Variants in FCHSD2 observed in about 807,000 individuals in gnomAD.
The protein encoded by FCHSD2 is FCH and double SH3 domains 2.
In FCHSD2, 38 loss-of-function variants were observed where a neutral mutation model predicts 108.1. The observed-to-expected ratio is 0.35, with a 90% CI of 0.27 to 0.46. The LOEUF is 0.46. Ranked by LOEUF, FCHSD2 falls within the 20% of genes least tolerant of loss-of-function variation. The pLI is 1.00. For synonymous variants in FCHSD2, 279 were observed against 314.7 expected (o/e 0.89, Z 1.20); for missense variants, 751 against 897.8 (o/e 0.84, Z 2.09).
At chr11:72,995,708 CA>C (rs760202806) in intron 5 of FCHSD2, among the ~76,000 whole-genome samples, 1,899 of 63,022 alleles carry the variant, frequency 0.03, 25 homozygotes, top group African/African-American at 0.079. Flanking sequence ...AATTCTGTCT[CA>C]AAAAAAAAAA....
chr11:72,885,914 T>C (rs1450451792), intron 12 of FCHSD2, among the ~76,000 whole-genome samples: 1 of 152,160 alleles, frequency 6.6e-6, no homozygotes, highest in African/African-American at 2.4e-5. Flanking sequence ...AGGAATGAAG[T>C]GGAGGTGGGG....
chr11:72,856,836 G>T (rs1419202253), intron 13 of FCHSD2, among the ~76,000 whole-genome samples: 1 of 152,142 alleles, frequency 6.6e-6, no homozygotes, highest in Non-Finnish European at 1.5e-5. Flanking sequence ...AAAGAATCAT[G>T]CTAGAAATTG....
At position 73,140,103 on chromosome 11, in the gene FCHSD2, T is replaced by C. The variant is rs1565110053; in HGVS notation, c.47A>G (p.Asn16Ser). 6.5e-7 allele frequency: 1 copy of C among 1,544,410 alleles called. No individual in the cohort carries two copies. The highest frequency in any genetic ancestry group is 8.7e-7 in the Non-Finnish European group (1 of 1,143,174). Residue 16 changes from asparagine to serine, a missense_variant, in exon 2 of 20, where the codon AAC becomes AGC. Coordinates refer to ENST00000409418, the MANE Select transcript of FCHSD2 (RefSeq NM_014824.3). ...RKVKVTQELK[N>S]IQVEQMTKLQ... ...TTTTGTCATCTGCTCAACTTGAATG[T>C]TTTTCAGTTCTTGTGTAACTTTCAC...
At chr11:73,110,680 T>C (rs1202479780) in intron 2 of FCHSD2, among the ~76,000 whole-genome samples, 2 of 152,136 alleles carry the variant, frequency 1.3e-5, no homozygotes, top group South Asian at 2.1e-4. Context: ...TCTGCTCCGA[T>C]CTTTATTATT....
intron 10 of FCHSD2, among the ~76,000 whole-genome samples, chr11:72,897,344 T>C (rs1272375848): frequency 6.6e-6 from 1 of 150,714 alleles, no homozygotes; most frequent in Non-Finnish European, 1.5e-5. Flanking sequence ...AAAAGGATAG[T>C]TGTGTCTGTA....
chr11:72,849,688 G>T, intron 14 of FCHSD2, 67 bp downstream of exon 14: 1 of 1,193,880 alleles, frequency 8.4e-7, no homozygotes, highest in South Asian at 1.3e-5. Flanking sequence ...GAGACTGGAT[G>T]GATACAGTCA....
intron 2 of FCHSD2, among the ~76,000 whole-genome samples, chr11:73,110,774 AT>A (rs1023728474): frequency 4.9e-4 from 74 of 150,880 alleles, no homozygotes; most frequent in African/African-American, 1.7e-3. Flanking sequence ...CTAGCTGAAG[AT>A]TTTTTTTTCT....
intron 3 of FCHSD2, among the ~76,000 whole-genome samples, chr11:73,032,191 A>C (rs1171044396): frequency 6.6e-6 from 1 of 152,024 alleles, no homozygotes; most frequent in Non-Finnish European, 1.5e-5. Flanking sequence ...CAAAAGTAAG[A>C]GCTTTTAGTT....
chr11:72,857,989 A>G lies in FCHSD2; in HGVS notation c.1309-8100T>C, dbSNP rs184952171. On this transcript the variant is annotated intron_variant, in intron 13 of 19. Transcript: ENST00000409418. ...CAATTTCAATGACCTCGTCTCTCTA[A>G]TGAAGACAGTTACTTCTTCACAGGG... Among the ~76,000 whole-genome samples, 738 of 152,336 alleles carry G rather than the reference A, an allele frequency of 4.8e-3. 5 individuals are homozygous for G. The highest frequency in any genetic ancestry group is 6.7e-3 in the Non-Finnish European group (459 of 68,026).
At chr11:73,075,359 T>G (rs1859525059) in intron 3 of FCHSD2, among the ~76,000 whole-genome samples, 1 of 152,152 alleles carries the variant, frequency 6.6e-6, no homozygotes, top group Non-Finnish European at 1.5e-5. Flanking sequence ...ATAAGAATGT[T>G]CACAGTGGCA....
At chr11:73,062,089 T>C (rs1039220979) in intron 3 of FCHSD2, among the ~76,000 whole-genome samples, 3 of 152,204 alleles carry the variant, frequency 2.0e-5, no homozygotes, top group Admixed American at 2.0e-4. Context: ...GGTGCCTGTC[T>C]GGGACGAAGC....
chr11:73,083,424 C>T (rs900827087), intron 3 of FCHSD2, among the ~76,000 whole-genome samples: 3 of 152,080 alleles, frequency 2.0e-5, no homozygotes, highest in Non-Finnish European at 4.4e-5. Context: ...TGGCACACAC[C>T]TGTAGTCCCA....
intron 3 of FCHSD2, among the ~76,000 whole-genome samples, chr11:73,019,366 T>G (rs1858046727): frequency 6.6e-6 from 1 of 152,230 alleles, no homozygotes; most frequent in Middle Eastern, 3.2e-3. Flanking sequence ...CTTCAAATCA[T>G]ACAGTTCGTA....
chr11:72,898,541 T>A (rs1423001698), intron 10 of FCHSD2, among the ~76,000 whole-genome samples: 2 of 152,208 alleles, frequency 1.3e-5, no homozygotes, highest in Non-Finnish European at 2.9e-5. Context: ...CCTATTACTA[T>A]CTTACCTGAG....
intron 9 of FCHSD2, among the ~76,000 whole-genome samples, chr11:72,906,043 A>G (rs1389077055): frequency 6.6e-6 from 1 of 152,198 alleles, no homozygotes; most frequent in Non-Finnish European, 1.5e-5. Context: ...GAACTAATTT[A>G]CACTCCCACC....
chr11:72,886,411 T>G (rs1313477744), intron 12 of FCHSD2, among the ~76,000 whole-genome samples: 1 of 152,184 alleles, frequency 6.6e-6, no homozygotes, highest in Non-Finnish European at 1.5e-5. Context: ...ATCTTAAGTC[T>G]TCTTCTGTGT....
intron 2 of FCHSD2, among the ~76,000 whole-genome samples, chr11:73,084,381 C>T (rs1591540718): frequency 6.6e-6 from 1 of 151,920 alleles, no homozygotes; most frequent in African/African-American, 2.4e-5. Context: ...CTAAGGTATA[C>T]CCTTTTCTTT....
Position 72,984,157 on chromosome 11 carries a change from A to G in FCHSD2, c.636T>C (p.Leu212=). 6.2e-7 allele frequency: 1 copy of G among 1,613,518 alleles called. No homozygotes were observed. Residue 212 remains leucine, a synonymous_variant, in exon 8 of 20, where the codon CTT becomes CTC. Coordinates refer to ENST00000409418, the MANE Select transcript of FCHSD2 (RefSeq NM_014824.3). ...GTGCATTTGCTGCCGCTAGGGTAAGAAGATAATCATTCCTTGCGTGGGTAG... is the reference window on the plus strand; with the variant it reads ...GTGCATTTGCTGCCGCTAGGGTAAGGAGATAATCATTCCTTGCGTGGGTAG... The part of the protein sequence containing the change: ...SKATHARNDY[L]LTLAAANAHQ...
At chr11:73,026,140 A>G (rs1858224517) in intron 3 of FCHSD2, among the ~76,000 whole-genome samples, 1 of 151,936 alleles carries the variant, frequency 6.6e-6, no homozygotes, top group Non-Finnish European at 1.5e-5. Context: ...CACCCAGCTC[A>G]TTTTTTTATT....
Sources: gnomAD v4.1 joint callset for allele counts (sites outside exome capture counted in the v4.1 genomes callset) on GRCh38, gnomAD v4.1.1 for gene constraint, MANE v1.5 for transcripts, NCBI Gene and HGNC (gene_info 2026-07-23, HGNC 2026-07-21) for gene names.